RTL4: variants seen among roughly 807,000 people sequenced by gnomAD.
RTL4 encodes the protein retrotransposon Gag-like protein 4.
RTL4 carries 4 observed loss-of-function variants against 5.3 expected under a neutral mutation model. That is an observed-to-expected ratio of 0.75 (90% CI 0.37 to 1.72). The LOEUF (loss-of-function observed/expected upper bound fraction) is 1.72. RTL4 is among the 40% of genes most tolerant of loss of function. RTL4 has a pLI of 0.04. For synonymous variants in RTL4, 98 were observed against 87.3 expected (o/e 1.12, Z -0.68); for missense variants, 260 against 227.1 (o/e 1.14, Z -0.93).
At chrX:112,254,161 T>A in the RTL4 span, among the ~76,000 whole-genome samples, 17 of 111,737 alleles carry the variant, frequency 1.5e-4, no homozygotes, top group African/African-American at 5.2e-4. Flanking sequence ...GCATCCCTAA[T>A]GGATGATAAC....
At chrX:112,205,636 C>G in the RTL4 span, among the ~76,000 whole-genome samples, 2 of 111,515 alleles carry the variant, frequency 1.8e-5, no homozygotes, top group Non-Finnish European at 3.8e-5. Context: ...CGCACACACA[C>G]AGGCACACAT....
At chrX:112,113,717 C>A in the RTL4 span, among the ~76,000 whole-genome samples, 2 of 111,926 alleles carry the variant, frequency 1.8e-5, no homozygotes, top group African/African-American at 6.5e-5. Flanking sequence ...ATTACTTCAG[C>A]ATAGTGGGCA....
the RTL4 span, among the ~76,000 whole-genome samples, chrX:112,308,848 A>C: frequency 9.0e-6 from 1 of 111,551 alleles, no homozygotes; most frequent in African/African-American, 3.3e-5. Flanking sequence ...ATAGTGTGGA[A>C]ACACAGAGGG....
the RTL4 span, among the ~76,000 whole-genome samples, chrX:112,099,831 G>A: frequency 1.2e-4 from 13 of 111,532 alleles, no homozygotes; most frequent in African/African-American, 4.2e-4. Context: ...CCAAGCAAAA[G>A]ACAATAAAGG....
At chrX:112,247,988 G>A in the RTL4 span, among the ~76,000 whole-genome samples, 1 of 110,843 alleles carries the variant, frequency 9.0e-6, no homozygotes, top group Admixed American at 9.6e-5. Flanking sequence ...AAACAGATTT[G>A]GCTAATATTC....
the RTL4 span, among the ~76,000 whole-genome samples, chrX:112,087,150 T>C: frequency 9.0e-6 from 1 of 110,936 alleles, no homozygotes; most frequent in African/African-American, 3.3e-5. Context: ...CAGAGAAGGC[T>C]CCAATTGTGT....
chrX:112,236,404 G>GATATAGATCTATATCTATATCTAT, the RTL4 span, among the ~76,000 whole-genome samples: 1 of 60,878 alleles, frequency 1.6e-5, no homozygotes, highest in African/African-American at 6.6e-5. Flanking sequence ...ATATAATATA[G>GATATAGATCTATATCTATATCTAT]ATATAGATCT....
At chrX:112,407,379 C>T in the RTL4 span, among the ~76,000 whole-genome samples, 2 of 111,408 alleles carry the variant, frequency 1.8e-5, no homozygotes, top group Non-Finnish European at 3.8e-5. Context: ...TCCCTGTGGG[C>T]CTGTGGTGGC....
chrX:112,347,081 C>G, the RTL4 span, among the ~76,000 whole-genome samples: 1 of 111,622 alleles, frequency 9.0e-6, no homozygotes, highest in African/African-American at 3.2e-5. Flanking sequence ...CTGGCTTTGC[C>G]ATTTACTAGT....
At chrX:112,270,083 C>G in the RTL4 span, among the ~76,000 whole-genome samples, 1 of 112,221 alleles carries the variant, frequency 8.9e-6, no homozygotes, top group African/African-American at 3.2e-5. Flanking sequence ...CTCTTCTGCT[C>G]TAATGAAGTC....
the RTL4 span, among the ~76,000 whole-genome samples, chrX:112,326,481 C>T: frequency 8.9e-6 from 1 of 111,927 alleles, no homozygotes; most frequent in Non-Finnish European, 1.9e-5. Flanking sequence ...AGATTATATC[C>T]CGCACGTGGC....
At chrX:112,285,860 C>T in the RTL4 span, among the ~76,000 whole-genome samples, 94 of 111,502 alleles carry the variant, frequency 8.4e-4, no homozygotes, top group Non-Finnish European at 6.8e-4. Flanking sequence ...TAAACCTAAC[C>T]TTGTTGTCTT....
At chrX:112,381,981 G>C in the RTL4 span, 13 of 1,209,363 alleles carry the variant, frequency 1.1e-5, no homozygotes, top group Non-Finnish European at 1.5e-5. Flanking sequence ...GGCATCAAGA[G>C]AGAGAACCAG....
chrX:112,325,418 A>C, the RTL4 span, among the ~76,000 whole-genome samples: 8 of 112,147 alleles, frequency 7.1e-5, no homozygotes, highest in African/African-American at 2.3e-4. Context: ...AGGCTACAGT[A>C]ACCAAAACAG....
the RTL4 span, among the ~76,000 whole-genome samples, chrX:112,130,990 G>A: frequency 1.1e-5 from 1 of 94,918 alleles, no homozygotes; most frequent in African/African-American, 5.2e-5. Flanking sequence ...TAGCAGAGAC[G>A]GGGTTTCACC....
chrX:112,326,943 G>A, the RTL4 span, among the ~76,000 whole-genome samples: 19 of 111,514 alleles, frequency 1.7e-4, no homozygotes, highest in Non-Finnish European at 3.2e-4. Flanking sequence ...GCAACTGAGG[G>A]TCCTGTCTGT....
At chrX:112,436,474 T>C in the RTL4 span, among the ~76,000 whole-genome samples, 1 of 111,613 alleles carries the variant, frequency 9.0e-6, no homozygotes, top group Non-Finnish European at 1.9e-5. Flanking sequence ...CTAAATCATG[T>C]TATTTTAGGA....
chrX:112,114,120 A>G, the RTL4 span, among the ~76,000 whole-genome samples: 1 of 111,695 alleles, frequency 9.0e-6, no homozygotes, highest in East Asian at 2.8e-4. Context: ...AAGGCCTTCC[A>G]TAGCCACTCG....
chrX:112,350,219 T>G, the RTL4 span, among the ~76,000 whole-genome samples: 1 of 110,794 alleles, frequency 9.0e-6, no homozygotes, highest in Non-Finnish European at 1.9e-5. Flanking sequence ...GAAGCCCACT[T>G]GATCATGGTG....
Sources: allele counts gnomAD v4.1 joint callset (sites outside exome capture counted in the v4.1 genomes callset), GRCh38; gene constraint gnomAD v4.1.1; transcripts MANE v1.5; gene names NCBI Gene and HGNC (gene_info 2026-07-23, HGNC 2026-07-21).